TLL1: variants seen among roughly 807,000 people sequenced by gnomAD.
The protein encoded by TLL1 is tolloid like 1.
TLL1 carries 49 observed loss-of-function variants against 128.2 expected under a neutral mutation model. That is an observed-to-expected ratio of 0.38 (90% CI 0.30 to 0.48). The LOEUF (loss-of-function observed/expected upper bound fraction) is 0.48. Ranked by LOEUF, TLL1 falls within the 20% of genes least tolerant of loss-of-function variation. The pLI is 0.96. For missense variants in TLL1, 1,123 were observed against 1,242.0 expected (o/e 0.90, Z 1.44); for synonymous variants, 454 against 418.8 (o/e 1.08, Z -1.03).
At chr4:166,054,771 T>A (rs961008719) in intron 12 of TLL1, among the ~76,000 whole-genome samples, 3 of 152,074 alleles carry the variant, frequency 2.0e-5, no homozygotes, top group Non-Finnish European at 4.4e-5. Flanking sequence ...TCAGCCTCTA[T>A]TGAATGAAGA....
intron 12 of TLL1, among the ~76,000 whole-genome samples, chr4:166,048,916 C>T (rs1739587872): frequency 6.6e-6 from 1 of 152,180 alleles, no homozygotes; most frequent in Admixed American, 6.5e-5. Context: ...AAACTATGTG[C>T]ATAAGTTTTT....
In TLL1 at chr4:166,042,074, A is replaced by G; in HGVS notation, c.1309A>G (p.Ser437Gly). 6.2e-7 allele frequency: 1 copy of G among 1,612,474 alleles called. No individual in the cohort carries two copies. Among genetic ancestry groups the G allele is most frequent in the Non-Finnish European group, 8.5e-7 (1 of 1,178,696 alleles). ...GCCTGAAGTTCTTACTTCTACAGACAGCAGAATGTGGATTGAGTTTCGTAG... is the reference window on the plus strand; with the variant it reads ...GCCTGAAGTTCTTACTTCTACAGACGGCAGAATGTGGATTGAGTTTCGTAG... ...KLPEVLTSTDSRMWIEFRSSS... is the reference protein window; with the variant it reads ...KLPEVLTSTDGRMWIEFRSSS... The change falls in exon 11 of 21, where the codon AGC (serine) becomes GGC (glycine). Residue 437 changes from serine to glycine, a missense_variant. This residue lies in a region of TLL1 where 480 missense variants were observed against 542.4 expected (regional missense o/e 0.89). Coordinates refer to ENST00000061240, the MANE Select transcript of TLL1 (RefSeq NM_012464.5).
intron 12 of TLL1, among the ~76,000 whole-genome samples, chr4:166,053,719 C>G (rs1272416877): frequency 6.6e-6 from 1 of 152,134 alleles, no homozygotes; most frequent in Non-Finnish European, 1.5e-5. Context: ...CCCCGATATT[C>G]CTTGACATTC....
At chr4:165,915,777 A>G (rs1732750633) in intron 1 of TLL1, among the ~76,000 whole-genome samples, 1 of 152,208 alleles carries the variant, frequency 6.6e-6, no homozygotes, top group South Asian at 2.1e-4. Context: ...TCCTCTATGT[A>G]TAGAAAACTC....
intron 1 of TLL1, among the ~76,000 whole-genome samples, chr4:165,901,771 T>C (rs1157925625): frequency 1.3e-5 from 2 of 152,190 alleles, no homozygotes; most frequent in Admixed American, 1.3e-4. Context: ...GCTGGAGTGC[T>C]GTTCTGGGAG....
At chr4:166,003,831 C>A (rs1737277309) in intron 6 of TLL1, among the ~76,000 whole-genome samples, 1 of 151,562 alleles carries the variant, frequency 6.6e-6, no homozygotes, top group African/African-American at 2.4e-5. Context: ...TGGTGCTTTC[C>A]AAGAATGAGT....
At chr4:165,972,066 G>C (rs973700523) in intron 1 of TLL1, among the ~76,000 whole-genome samples, 2 of 152,102 alleles carry the variant, frequency 1.3e-5, no homozygotes, top group African/African-American at 4.8e-5. Context: ...TGCAGTCCAA[G>C]AGGCTTTCCC....
In TLL1 at chr4:166,029,375, A is replaced by C. The variant is rs559122409; in HGVS notation, c.1158+3944A>C. Among the ~76,000 whole-genome samples the C allele has an allele frequency of 2.6e-5, 4 of 152,142 alleles. No individual in the cohort carries two copies. In the East Asian group the frequency reaches 7.7e-4, roughly 29 times the overall value. ...CGCTTTTTATAAGATATTGCTTTGC[A>C]TATTTGTTGATACCTTTTTTTAATC... is the stretch of plus-strand genomic sequence containing the variant. On this transcript the variant is annotated intron_variant, in intron 9 of 20. Transcript: ENST00000061240.
At chr4:166,034,189 A>G (rs1424053028) in intron 9 of TLL1, among the ~76,000 whole-genome samples, 1 of 152,216 alleles carries the variant, frequency 6.6e-6, no homozygotes, top group Non-Finnish European at 1.5e-5. Context: ...AAAAGAAAAT[A>G]CAATTTATCA....
chr4:166,100,777 T>C lies in TLL1; in HGVS notation c.2943T>C (p.Val981=), dbSNP rs1742250106. ...AGATTTATTCAATTGGAGATTCAGT[T>C]TTAATTCATTTCCACACTGATGACA... ...PEEIYSIGDS[V]LIHFHTDDTI... Residue 981 remains valine, a synonymous_variant, in exon 21 of 21, where the codon GTT becomes GTC. Transcript: ENST00000061240. 6.2e-7 allele frequency: 1 copy of C among 1,613,018 alleles called. No homozygotes were observed. The highest frequency in any genetic ancestry group is 8.5e-7 in the Non-Finnish European group (1 of 1,179,400).
chr4:165,948,221 G>A (rs115724567), intron 1 of TLL1, among the ~76,000 whole-genome samples: 1,573 of 152,222 alleles, frequency 0.01, 16 homozygotes, highest in Middle Eastern at 0.034. Flanking sequence ...GACATCCAAT[G>A]CCTGTCTCAC....
rs575124040 is a variant in TLL1 at position 166,057,458 on chromosome 4, A to T, written c.1846+149A>T. The T allele has an allele frequency of 4.1e-6, 5 of 1,228,942 alleles. No homozygotes were observed. In the South Asian group the frequency reaches 6.7e-5, roughly 16 times the overall value. 76.1% of individuals were successfully genotyped at this position (1,228,942 alleles called of 1,614,324 possible). A position where few individuals can be genotyped will look rare whatever the true frequency, so the allele number is the denominator to read the frequency against. ...AAGACTCAATTCACAGTCACAGCTG[A>T]TGTGAAACCTTACCTGAATTCTTGT... On this transcript the variant is annotated intron_variant, in intron 14 of 20. Coordinates refer to ENST00000061240, the MANE Select transcript of TLL1 (RefSeq NM_012464.5).
At chr4:166,021,723 G>T (rs966037237) in intron 8 of TLL1, among the ~76,000 whole-genome samples, 2 of 152,190 alleles carry the variant, frequency 1.3e-5, no homozygotes, top group East Asian at 3.9e-4. Flanking sequence ...AAGCCACCGC[G>T]CCTGGCCTAT....
intron 1 of TLL1, among the ~76,000 whole-genome samples, chr4:165,949,000 G>A (rs1435588673): frequency 6.6e-6 from 1 of 152,082 alleles, no homozygotes. Context: ...ATATAATTAA[G>A]ATGTAATCAC....
chr4:165,976,633 G>A (rs927147477), intron 1 of TLL1, among the ~76,000 whole-genome samples: 1 of 152,138 alleles, frequency 6.6e-6, no homozygotes, highest in African/African-American at 2.4e-5. Flanking sequence ...AATTCTATTA[G>A]ATATAAAGAT....
At chr4:166,072,369 G>T (rs1339571774) in intron 16 of TLL1, among the ~76,000 whole-genome samples, 1 of 151,528 alleles carries the variant, frequency 6.6e-6, no homozygotes, top group African/African-American at 2.4e-5. Flanking sequence ...TCTTATACTT[G>T]TTCTCTTTCT....
chr4:166,068,695 CAGA>C (rs1198330672), intron 16 of TLL1, among the ~76,000 whole-genome samples: 8 of 151,754 alleles, frequency 5.3e-5, no homozygotes, highest in African/African-American at 1.9e-4. Flanking sequence ...TCTCAAAATC[CAGA>C]AGAAGAATTT....
intron 1 of TLL1, among the ~76,000 whole-genome samples, chr4:165,878,716 T>A (rs1478422663): frequency 1.3e-5 from 2 of 152,086 alleles, no homozygotes; most frequent in Non-Finnish European, 2.9e-5. Context: ...ATTCAAAACC[T>A]AAGTGGAACC....
intron 8 of TLL1, among the ~76,000 whole-genome samples, chr4:166,018,204 C>T (rs143929246): frequency 0.036 from 5,473 of 152,090 alleles, 121 homozygotes; most frequent in Middle Eastern, 0.058. Context: ...GAAAGGACTT[C>T]CTATTCAACA....
Sources: gnomAD v4.1 joint callset for allele counts (sites outside exome capture counted in the v4.1 genomes callset) on GRCh38, gnomAD v4.1.1 for gene constraint, gnomAD v4.1.1 regional missense constraint, MANE v1.5 for transcripts, NCBI Gene and HGNC (gene_info 2026-07-23, HGNC 2026-07-21) for gene names.